ELP1: variants seen among roughly 807,000 people sequenced by gnomAD.
ELP1 encodes the protein elongator complex protein 1.
In ELP1, 131 loss-of-function variants were observed where a neutral mutation model predicts 183.2. That is an observed-to-expected ratio of 0.72 (90% CI 0.62 to 0.83). ELP1 has a LOEUF of 0.83. ELP1 is among the 40% of genes least tolerant of loss of function. The probability of loss-of-function intolerance (pLI) is 0.00; values close to 1 mark genes in which losing one functional copy is unlikely to be tolerated. For missense variants in ELP1, 1,550 were observed against 1,594.9 expected, an observed-to-expected ratio of 0.97 and a Z score of 0.48; for synonymous variants, 555 against 569.0, an observed-to-expected ratio of 0.98 and a Z score of 0.35.
intron 25 of ELP1, among the ~76,000 whole-genome samples, chr9:108,895,677 G>A (rs1000511708): frequency 1.3e-5 from 2 of 152,168 alleles, no homozygotes; most frequent in Admixed American, 6.5e-5. Flanking sequence ...TAAGCAGAGA[G>A]ATGAAGGATC....
chr9:108,881,811 A>G (rs755580934), intron 30 of ELP1, 46 bp from the exon 31 acceptor site: 5 of 1,127,152 alleles, frequency 4.4e-6, no homozygotes, highest in South Asian at 3.7e-5. Context: ...ACTTCTAGTC[A>G]CTGGAGAGTT....
At chr9:108,872,533 G>A (rs749098973) in intron 36 of ELP1, among the ~76,000 whole-genome samples, 3 of 151,994 alleles carry the variant, frequency 2.0e-5, no homozygotes, top group Non-Finnish European at 4.4e-5. Flanking sequence ...GGCCGGGCGC[G>A]GTGGCTCACG....
chr9:108,929,782 A>T lies in ELP1; in HGVS notation c.290T>A (p.Leu97His). The part of the protein sequence containing the change: ...TASGDVILCS[L>H]STQQLECVGS... Reference sequence around the variant, plus strand: ...TCTTCCACTTACCTGTTGTGTGCTGAGACTGCAGAGTATGACGTCTCCAGA... The same window carrying T: ...TCTTCCACTTACCTGTTGTGTGCTGTGACTGCAGAGTATGACGTCTCCAGA... The change falls in exon 3 of 37, where the codon CTC (leucine) becomes CAC (histidine). Residue 97 changes from leucine (L) to histidine (H), a missense_variant. Transcript: ENST00000374647. 2 of 1,614,054 alleles carry T rather than the reference A, an allele frequency of 1.2e-6. No individual in the cohort carries two copies. Among genetic ancestry groups the T allele is most frequent in the Non-Finnish European group, 1.7e-6 (2 of 1,180,024 alleles).
chr9:108,918,569 T>C (rs192660195), intron 8 of ELP1, among the ~76,000 whole-genome samples: 204 of 151,938 alleles, frequency 1.3e-3, no homozygotes, highest in African/African-American at 4.7e-3. Flanking sequence ...GCAAAATATA[T>C]GCGGCCTTGG....
chr9:108,906,315 T>G lies in ELP1; in HGVS notation c.1631A>C (p.Gln544Pro), dbSNP rs1344743355. The change falls in exon 14 of 37, where the codon CAG becomes CCG. Residue 544 changes from glutamine to proline, a missense_variant. Gln to Pro is a moderately conservative substitution (Grantham distance 76). Coordinates refer to ENST00000374647, the MANE Select transcript of ELP1 (RefSeq NM_003640.5). ...ASSEMDEEHGQLNVSSSAAVD... is the reference protein window; with the variant it reads ...ASSEMDEEHGPLNVSSSAAVD... ...AAAACTGCAATACCTGACATTGAGCTGTCCATGCTCTTCATCCATCTCAGA... is the reference window on the plus strand; with the variant it reads ...AAAACTGCAATACCTGACATTGAGCGGTCCATGCTCTTCATCCATCTCAGA... The G allele has an allele frequency of 6.2e-7, 1 of 1,613,982 alleles. No individual in the cohort carries two copies. Among genetic ancestry groups the G allele is most frequent in the Admixed American group, 1.7e-5 (1 of 60,016 alleles).
intron 28 of ELP1, chr9:108,889,629 T>C (rs1587882845): frequency 1.7e-6 from 1 of 577,642 alleles, no homozygotes; most frequent in East Asian, 3.0e-5. Flanking sequence ...CCAAAGCATG[T>C]ATATGGGAAA....
chr9:108,917,498 C>T (rs760715049), intron 9 of ELP1, 49 bp downstream of exon 9: 1 of 1,572,138 alleles, frequency 6.4e-7, no homozygotes, highest in Non-Finnish European at 8.7e-7. Flanking sequence ...CCCTCTATAG[C>T]TATGGAAAGT....
chr9:108,903,632 A>G lies in ELP1; in HGVS notation c.1681T>C (p.Cys561Arg), dbSNP rs372706811. Reference sequence around the variant, plus strand: ...ACTGACTTGGTCTTGGAATTGCAACATAGACTGATTATGACCCCATCCACC... The same window carrying G: ...ACTGACTTGGTCTTGGAATTGCAACGTAGACTGATTATGACCCCATCCACC... ...AAVDGVIISL[C>R]CNSKTKSVVL... Residue 561 changes from cysteine (C) to arginine (R), a missense_variant, in exon 15 of 37, where the codon TGT (cysteine) becomes CGT (arginine). Physicochemically the swap from Cys to Arg is radical, Grantham distance 180. Transcript: ENST00000374647. The G allele has an allele frequency of 3.7e-6, 6 of 1,613,916 alleles. No individual in the cohort carries two copies. In the African/African-American group the frequency reaches 5.3e-5, roughly 14 times the overall value.
At position 108,918,854 on chromosome 9, in the gene ELP1, T is replaced by G; in HGVS notation, c.697A>C (p.Thr233Pro). Residue 233 changes from threonine to proline, a missense_variant, in exon 8 of 37, where the codon ACC becomes CCC. Physicochemically the swap from Thr to Pro is conservative, Grantham distance 38. Transcript: ENST00000374647. ...CCCAGTCCTGCCACAGGCTCACTGGTTGACTGCAAAGCAAACTCTCGGTTC... is the reference window on the plus strand; with the variant it reads ...CCCAGTCCTGCCACAGGCTCACTGGGTGACTGCAAAGCAAACTCTCGGTTC... ...VWNREFALQSTSEPVAGLGPA... is the reference protein window; with the variant it reads ...VWNREFALQSPSEPVAGLGPA... 1 of 1,614,172 alleles carries G rather than the reference T, an allele frequency of 6.2e-7. No homozygotes were observed.
chr9:108,910,654 A>T (rs1265426520), intron 12 of ELP1, among the ~76,000 whole-genome samples: 1 of 152,180 alleles, frequency 6.6e-6, no homozygotes, highest in African/African-American at 2.4e-5. Context: ...TCTCTGACAC[A>T]GCTCCTAGGA....
chr9:108,890,651 A>C (rs1020455074), intron 28 of ELP1, among the ~76,000 whole-genome samples: 2 of 152,160 alleles, frequency 1.3e-5, no homozygotes, highest in Non-Finnish European at 2.9e-5. Flanking sequence ...CTTTGCTTTC[A>C]GAATGCTTCG....
intron 13 of ELP1, among the ~76,000 whole-genome samples, 199 bp downstream of exon 13, chr9:108,908,106 G>A (rs1322206880): frequency 6.6e-6 from 1 of 152,150 alleles, no homozygotes; most frequent in Non-Finnish European, 1.5e-5. Context: ...ATGCTCTCCT[G>A]CTACCTATCA....
Position 108,911,161 on chromosome 9 carries a change from G to C in ELP1, c.1209C>G (p.Val403=). 2 of 1,614,136 alleles carry C rather than the reference G, an allele frequency of 1.2e-6. No individual in the cohort carries two copies. The highest frequency in any genetic ancestry group is 1.7e-6 in the Non-Finnish European group (2 of 1,180,010). ...GAGGCGGAACCACAGTCTGCCGGAA[G>C]ACTGTCACCAACACCCTGTCTGCAG... The part of the protein sequence containing the change: ...VIDGNRVLVT[V]FRQTVVPPPM... Residue 403 remains valine, a synonymous_variant, in exon 12 of 37, where the codon GTC becomes GTG. Coordinates refer to ENST00000374647, the MANE Select transcript of ELP1 (RefSeq NM_003640.5).
rs375980970 is a variant in ELP1, at chr9:108,901,880, A to G, written c.1855-199T>C. Among the ~76,000 whole-genome samples the G allele has an allele frequency of 2.0e-5, 3 of 152,090 alleles. No individual in the cohort carries two copies. The East Asian group carries it at 5.8e-4, about 29-fold the overall frequency. On this transcript the variant is annotated intron_variant, in intron 16 of 36. Transcript: ENST00000374647. ...ATCCAATCCATCAGTGAGCCCTGAC[A>G]TCTCCATCTCCTACACATATCTCAA... is the stretch of plus-strand genomic sequence containing the variant.
chr9:108,919,435 T>G, intron 6 of ELP1, 86 bp from the exon 7 acceptor site: 2 of 891,504 alleles, frequency 2.2e-6, no homozygotes, highest in Non-Finnish European at 3.7e-6. Context: ...GATACAGATG[T>G]TTTTTAAGAG....
intron 5 of ELP1, among the ~76,000 whole-genome samples, chr9:108,925,130 C>T (rs909385528): frequency 2.0e-5 from 3 of 152,120 alleles, no homozygotes; most frequent in African/African-American, 7.2e-5. Flanking sequence ...CCTACCTGAT[C>T]ACCCTGCCTC....
intron 25 of ELP1, 126 bp from the exon 26 acceptor site, chr9:108,894,192 G>T: frequency 1.8e-6 from 1 of 545,500 alleles, no homozygotes; most frequent in Non-Finnish European, 3.2e-6. Flanking sequence ...TATATTAACT[G>T]CATATTATAT....
At chr9:108,909,422 T>C (rs2132009905) in intron 12 of ELP1, among the ~76,000 whole-genome samples, 1 of 152,224 alleles carries the variant, frequency 6.6e-6, no homozygotes, top group South Asian at 2.1e-4. Flanking sequence ...TCAAACACCA[T>C]CTTTGAAAAC....
chr9:108,879,349 C>G (rs947926600), intron 33 of ELP1, 97 bp downstream of exon 33: 2 of 867,248 alleles, frequency 2.3e-6, no homozygotes, highest in African/African-American at 3.3e-5. Flanking sequence ...TCTCCCCACT[C>G]CCACTACACC....
Sources: gnomAD v4.1 joint callset for allele counts (sites outside exome capture counted in the v4.1 genomes callset) on GRCh38, gnomAD v4.1.1 for gene constraint, MANE v1.5 for transcripts, NCBI Gene and HGNC (gene_info 2026-07-23, HGNC 2026-07-21) for gene names.